BMPER: variants seen among roughly 807,000 people sequenced by gnomAD.
BMPER encodes the protein BMP-binding endothelial regulator protein.
Under a neutral mutation model 87.3 loss-of-function variants are expected in BMPER, and 45 were observed. The observed-to-expected ratio is 0.52, with a 90% CI of 0.41 to 0.66. The LOEUF is 0.66. BMPER is among the 30% of genes least tolerant of loss of function. BMPER has a pLI of 0.00. For missense variants in BMPER, 784 were observed against 867.5 expected, an observed-to-expected ratio of 0.90 and a Z score of 1.21; for synonymous variants, 326 against 316.2, an observed-to-expected ratio of 1.03 and a Z score of -0.33.
At chr7:34,018,172 A>G (rs1020928330) in intron 6 of BMPER, among the ~76,000 whole-genome samples, 5 of 151,900 alleles carry the variant, frequency 3.3e-5, no homozygotes, top group African/African-American at 1.2e-4. Context: ...TTCACTTGCT[A>G]GAAGAAAATA....
intron 6 of BMPER, among the ~76,000 whole-genome samples, chr7:34,033,866 C>T (rs931402296): frequency 2.0e-5 from 3 of 152,174 alleles, no homozygotes; most frequent in Middle Eastern, 3.2e-3. Flanking sequence ...AACTTCTATC[C>T]TTCTAGTTAT....
At chr7:34,118,097 C>T (rs1790163250) in intron 13 of BMPER, among the ~76,000 whole-genome samples, 1 of 152,044 alleles carries the variant, frequency 6.6e-6, no homozygotes, top group Admixed American at 6.6e-5. Context: ...AGGCGGATTG[C>T]AAGGTCAGGA....
chr7:33,987,397 A>T (rs1016685576), intron 6 of BMPER, among the ~76,000 whole-genome samples: 1 of 152,180 alleles, frequency 6.6e-6, no homozygotes, highest in Non-Finnish European at 1.5e-5. Context: ...ACACACAAGG[A>T]GAAGAGTACT....
At chr7:33,974,624 A>C (rs1785636622) in intron 5 of BMPER, 78 bp from the exon 6 acceptor site, 4 of 1,408,212 alleles carry the variant, frequency 2.8e-6, no homozygotes, top group Non-Finnish European at 4.0e-6. Context: ...GCAACGGATG[A>C]ACTGTGGATA....
chr7:33,956,072 C>G (rs1002959266), intron 3 of BMPER, among the ~76,000 whole-genome samples: 2 of 151,448 alleles, frequency 1.3e-5, no homozygotes, highest in Non-Finnish European at 2.9e-5. Context: ...AACTATACAT[C>G]ATATGATTAG....
chr7:34,053,456 C>T (rs1017348041), intron 8 of BMPER, among the ~76,000 whole-genome samples: 11 of 152,186 alleles, frequency 7.2e-5, no homozygotes, highest in African/African-American at 2.4e-4. Context: ...TTCCCTGTAC[C>T]GTTGAAAATC....
intron 13 of BMPER, among the ~76,000 whole-genome samples, chr7:34,131,235 C>T (rs1790579313): frequency 6.6e-6 from 1 of 151,716 alleles, no homozygotes; most frequent in Admixed American, 6.6e-5. Flanking sequence ...TGGGGGTGGG[C>T]CTCTTGGGAC....
At chr7:33,905,471 CAGCTCTCGGG>C, upstream of BMPER, 2 of 910,698 alleles carry the variant, frequency 2.2e-6, no homozygotes, top group Admixed American at 2.2e-5. Context: ...CCCCGCCCCC[CAGCTCTCGGG>C]CGCCCGCCTC....
chr7:34,113,103 C>T (rs1790023675), intron 13 of BMPER, among the ~76,000 whole-genome samples: 1 of 151,752 alleles, frequency 6.6e-6, no homozygotes, highest in Non-Finnish European at 1.5e-5. Context: ...ACCCTGCCAA[C>T]ACATTTTCAT....
intron 3 of BMPER, among the ~76,000 whole-genome samples, chr7:33,959,325 A>G (rs1785216330): frequency 6.6e-6 from 1 of 151,754 alleles, no homozygotes; most frequent in Non-Finnish European, 1.5e-5. Context: ...TATTTTTCAA[A>G]TTGTTTTTGG....
chr7:34,041,473 AC>A (rs1787831000), intron 6 of BMPER, among the ~76,000 whole-genome samples: 1 of 152,130 alleles, frequency 6.6e-6, no homozygotes, highest in African/African-American at 2.4e-5. Context: ...AACAGGGAAA[AC>A]CAAATCTGAA....
intron 4 of BMPER, among the ~76,000 whole-genome samples, chr7:33,969,438 C>T (rs1349971090): frequency 1.3e-5 from 2 of 152,192 alleles, no homozygotes; most frequent in African/African-American, 2.4e-5. Context: ...CTCGCTCTGT[C>T]GTCCAGGCTG....
At chr7:33,978,039 G>A (rs1304345544) in intron 6 of BMPER, among the ~76,000 whole-genome samples, 1 of 152,174 alleles carries the variant, frequency 6.6e-6, no homozygotes, top group Non-Finnish European at 1.5e-5. Context: ...AAAATTCATG[G>A]GTTGAAACTT....
intron 10 of BMPER, among the ~76,000 whole-genome samples, chr7:34,060,389 A>G (rs554308190): frequency 1.6e-4 from 24 of 152,154 alleles, no homozygotes; most frequent in Middle Eastern, 3.2e-3. Flanking sequence ...ATTTGGCTTC[A>G]TCTGCAACTG....
chr7:33,997,155 A>C (rs534340483), intron 6 of BMPER, among the ~76,000 whole-genome samples: 1 of 152,332 alleles, frequency 6.6e-6, no homozygotes, highest in Non-Finnish European at 1.5e-5. Context: ...TGAAAGTGAA[A>C]GTTAATTACC....
chr7:34,045,274 A>G (rs896184417), intron 6 of BMPER, among the ~76,000 whole-genome samples: 2 of 152,246 alleles, frequency 1.3e-5, no homozygotes, highest in Non-Finnish European at 2.9e-5. Flanking sequence ...TGCATAGGAT[A>G]GTTTTCACAT....
At chr7:33,940,672 G>C (rs944975891) in intron 3 of BMPER, among the ~76,000 whole-genome samples, 12 of 151,972 alleles carry the variant, frequency 7.9e-5, no homozygotes, top group Admixed American at 2.6e-4. Context: ...CCTCTAACAA[G>C]AGCCTGCATG....
chr7:34,023,916 G>A (rs1787266846), intron 6 of BMPER, among the ~76,000 whole-genome samples: 1 of 151,630 alleles, frequency 6.6e-6, no homozygotes, highest in Non-Finnish European at 1.5e-5. Flanking sequence ...AGAATATGTT[G>A]GTAGACTTTG....
intron 6 of BMPER, among the ~76,000 whole-genome samples, chr7:34,046,068 A>T (rs1187746280): frequency 1.3e-5 from 2 of 152,036 alleles, no homozygotes; most frequent in Non-Finnish European, 2.9e-5. Context: ...AAAAGTGGTG[A>T]TGGGTGAGAG....
Sources: allele counts gnomAD v4.1 joint callset (sites outside exome capture counted in the v4.1 genomes callset), GRCh38; gene constraint gnomAD v4.1.1; transcripts MANE v1.5; gene names NCBI Gene and HGNC (gene_info 2026-07-23, HGNC 2026-07-21).